Variants in RCAN2 observed in about 807,000 individuals in gnomAD.
The protein encoded by RCAN2 is regulator of calcineurin 2.
RCAN2 carries 9 observed loss-of-function variants against 23.6 expected under a neutral mutation model. That is an observed-to-expected ratio of 0.38 (90% CI 0.23 to 0.67). RCAN2 has a LOEUF of 0.67. Among genes scored for constraint, RCAN2 ranks in the 30% least tolerant of loss-of-function variants. RCAN2 has a pLI of 0.51. For missense variants in RCAN2, 273 were observed against 302.3 expected (o/e 0.90, Z 0.72); for synonymous variants, 109 against 115.7 (o/e 0.94, Z 0.37).
At chr6:46,462,464 T>C (rs1768245978) in intron 1 of RCAN2, among the ~76,000 whole-genome samples, 2 of 152,150 alleles carry the variant, frequency 1.3e-5, no homozygotes, top group African/African-American at 4.8e-5. Context: ...TCATCCAAGA[T>C]TTTCAAATAA....
intron 2 of RCAN2, among the ~76,000 whole-genome samples, chr6:46,435,934 A>G (rs1329935353): frequency 2.0e-5 from 3 of 152,368 alleles, no homozygotes; most frequent in Non-Finnish European, 2.9e-5. Flanking sequence ...CACTGGAGAA[A>G]TGAAGACAAA....
chr6:46,310,979 T>G (rs2150356496), intron 2 of RCAN2, among the ~76,000 whole-genome samples: 1 of 152,332 alleles, frequency 6.6e-6, no homozygotes, highest in South Asian at 2.1e-4. Flanking sequence ...TATCAAAATT[T>G]AGAGAAGAGG....
At chr6:46,256,554 C>T (rs1339060642) in intron 2 of RCAN2, among the ~76,000 whole-genome samples, 1 of 152,086 alleles carries the variant, frequency 6.6e-6, no homozygotes, top group Non-Finnish European at 1.5e-5. Flanking sequence ...AAGGCTTCTA[C>T]TTCTACCTTT....
intron 2 of RCAN2, among the ~76,000 whole-genome samples, chr6:46,256,697 C>T (rs534245031): frequency 3.0e-4 from 45 of 151,870 alleles, no homozygotes; most frequent in African/African-American, 9.2e-4. Flanking sequence ...TTATTTGTGC[C>T]CCAGATTTTT....
intron 1 of RCAN2, among the ~76,000 whole-genome samples, chr6:46,468,239 A>C (rs1768449542): frequency 1.3e-5 from 2 of 152,240 alleles, no homozygotes; most frequent in African/African-American, 4.8e-5. Flanking sequence ...TGTTAGGCCC[A>C]GAGTTTGACT....
chr6:46,254,735 C>A (rs1034130262), intron 2 of RCAN2, among the ~76,000 whole-genome samples: 16 of 151,996 alleles, frequency 1.1e-4, no homozygotes, highest in Admixed American at 1.0e-3. Flanking sequence ...CAGAACATGA[C>A]CTTGTTTGGA....
intron 2 of RCAN2, among the ~76,000 whole-genome samples, chr6:46,260,209 C>T (rs1331198823): frequency 6.6e-6 from 1 of 152,138 alleles, no homozygotes; most frequent in Non-Finnish European, 1.5e-5. Context: ...CAAAAAGACA[C>T]TTATCACTGA....
intron 2 of RCAN2, among the ~76,000 whole-genome samples, chr6:46,294,619 T>G (rs924463309): frequency 1.3e-5 from 2 of 152,154 alleles, no homozygotes; most frequent in African/African-American, 4.8e-5. Flanking sequence ...AATCATATTT[T>G]AAGATAACTT....
At chr6:46,295,973 AAC>A (rs1363253714) in intron 2 of RCAN2, among the ~76,000 whole-genome samples, 1 of 148,836 alleles carries the variant, frequency 6.7e-6, no homozygotes, top group Non-Finnish European at 1.5e-5. Flanking sequence ...TTTTTTTTTT[AAC>A]AGCAATGTTC....
chr6:46,322,427 T>A (rs1378183438), intron 2 of RCAN2, among the ~76,000 whole-genome samples: 1 of 152,228 alleles, frequency 6.6e-6, no homozygotes, highest in African/African-American at 2.4e-5. Context: ...TTTAGTATTA[T>A]TGCTTGAGCA....
chr6:46,396,722 T>G lies in RCAN2; in HGVS notation c.225+60030A>C, dbSNP rs113286228. On this transcript the variant is annotated intron_variant, in intron 2 of 4. Coordinates refer to ENST00000371374, the MANE Select transcript of RCAN2 (RefSeq NM_001251974.2). ...GATACTAAAGTAAACAGAATACATT[T>G]CTATCTTTTGAAGTTTTTTTGTTTG... 5.3e-3 allele frequency among the ~76,000 whole-genome samples: 800 copies of G among 152,332 alleles called. 6 individuals are homozygous for G. The highest frequency in any genetic ancestry group is 0.018 in the African/African-American group (755 of 41,574).
At chr6:46,458,930 C>T (rs1016052615) in intron 1 of RCAN2, among the ~76,000 whole-genome samples, 3 of 152,164 alleles carry the variant, frequency 2.0e-5, no homozygotes, top group South Asian at 2.1e-4. Context: ...TTGCTCTTGT[C>T]GCCCAGGCTG....
chr6:46,340,171 C>T (rs1764266639), intron 2 of RCAN2, among the ~76,000 whole-genome samples: 1 of 152,158 alleles, frequency 6.6e-6, no homozygotes. Flanking sequence ...CTAGTTGCAG[C>T]TCCACTTGCT....
At chr6:46,463,775 T>A (rs1293180590) in intron 1 of RCAN2, among the ~76,000 whole-genome samples, 1 of 152,188 alleles carries the variant, frequency 6.6e-6, no homozygotes, top group African/African-American at 2.4e-5. Context: ...CAAGAATTTT[T>A]CAATAGAAAG....
chr6:46,351,261 G>T (rs1197582471), intron 2 of RCAN2, among the ~76,000 whole-genome samples: 6 of 152,138 alleles, frequency 3.9e-5, no homozygotes, highest in Non-Finnish European at 8.8e-5. Context: ...AATCCTTCCA[G>T]CATTTGACAC....
intron 2 of RCAN2, among the ~76,000 whole-genome samples, chr6:46,361,689 C>A (rs1347001167): frequency 6.6e-6 from 1 of 152,072 alleles, no homozygotes; most frequent in Non-Finnish European, 1.5e-5. Context: ...TGAAGTGATA[C>A]CTAGATTTAT....
At chr6:46,280,891 G>A (rs143338825) in intron 2 of RCAN2, among the ~76,000 whole-genome samples, 75 of 152,254 alleles carry the variant, frequency 4.9e-4, no homozygotes, top group Non-Finnish European at 8.2e-4. Context: ...GGGTGTGTGT[G>A]TGTATGTGTG....
chr6:46,289,306 A>T (rs565187079), intron 2 of RCAN2, among the ~76,000 whole-genome samples: 2 of 152,324 alleles, frequency 1.3e-5, no homozygotes, highest in South Asian at 2.1e-4. Flanking sequence ...AACTAGAAAG[A>T]GTATTCTTTT....
intron 1 of RCAN2, among the ~76,000 whole-genome samples, chr6:46,481,725 C>T (rs894232757): frequency 1.3e-4 from 20 of 151,862 alleles, no homozygotes; most frequent in Non-Finnish European, 2.1e-4. Flanking sequence ...TTACTATTGG[C>T]CTCCTGGGGT....
Sources: allele counts gnomAD v4.1 joint callset (sites outside exome capture counted in the v4.1 genomes callset), GRCh38; gene constraint gnomAD v4.1.1; transcripts MANE v1.5; gene names NCBI Gene and HGNC (gene_info 2026-07-23, HGNC 2026-07-21).